Variants in AP3B1 observed in about 807,000 individuals in gnomAD.
AP3B1 encodes the protein AP-3 complex subunit beta-1.
Under a neutral mutation model 132.5 loss-of-function variants are expected in AP3B1, and 61 were observed. That is an observed-to-expected ratio of 0.46 (90% CI 0.37 to 0.57). AP3B1 has a LOEUF of 0.57. AP3B1 is among the 20% of genes least tolerant of loss of function. The pLI is 0.00. For synonymous variants in AP3B1, 388 were observed against 438.3 expected (o/e 0.89, Z 1.43); for missense variants, 1,120 against 1,289.4 (o/e 0.87, Z 2.01).
chr5:78,235,014 G>T (rs545309773), intron 3 of AP3B1, among the ~76,000 whole-genome samples: 79 of 151,958 alleles, frequency 5.2e-4, no homozygotes, highest in Non-Finnish European at 1.0e-3. Flanking sequence ...GTCAGTGAGT[G>T]GGGGTGGAGG....
intron 7 of AP3B1, among the ~76,000 whole-genome samples, chr5:78,181,962 G>A (rs188583932): frequency 6.3e-4 from 96 of 152,160 alleles, no homozygotes; most frequent in African/African-American, 2.2e-3. Context: ...ACACATGACC[G>A]TTAGATTTTA....
chr5:78,263,088 T>C (rs1230536624), intron 2 of AP3B1, among the ~76,000 whole-genome samples: 1 of 152,208 alleles, frequency 6.6e-6, no homozygotes, highest in Non-Finnish European at 1.5e-5. Flanking sequence ...TTGATAGGAA[T>C]TGCATTGAAT....
chr5:78,210,573 C>A (rs1199076410), intron 7 of AP3B1, among the ~76,000 whole-genome samples: 2 of 152,062 alleles, frequency 1.3e-5, no homozygotes, highest in Non-Finnish European at 2.9e-5. Context: ...AATTACATAA[C>A]CCGGATTCAT....
chr5:78,085,613 A>T (rs425300), intron 22 of AP3B1, among the ~76,000 whole-genome samples: 135,157 of 152,156 alleles, frequency 0.89, 60,751 homozygotes, highest in African/African-American at 0.95. Flanking sequence ...TTCCAGTTCT[A>T]GTCCTTTTGC....
At chr5:78,211,151 G>A (rs1413590147) in intron 7 of AP3B1, among the ~76,000 whole-genome samples, 5 of 152,070 alleles carry the variant, frequency 3.3e-5, no homozygotes, top group South Asian at 4.2e-4. Context: ...TAAATACGCC[G>A]TTATTTTCTA....
intron 26 of AP3B1, among the ~76,000 whole-genome samples, chr5:78,008,349 A>G (rs1746482341): frequency 6.6e-6 from 1 of 152,224 alleles, no homozygotes; most frequent in South Asian, 2.1e-4. Flanking sequence ...AAATTGTTGC[A>G]TTAGAGGACA....
chr5:78,162,270 G>A (rs1318149119), intron 13 of AP3B1, among the ~76,000 whole-genome samples: 1 of 152,078 alleles, frequency 6.6e-6, no homozygotes, highest in African/African-American at 2.4e-5. Context: ...TACCTATCCA[G>A]TTTTACCGAA....
chr5:78,254,899 A>G (rs569514382), intron 2 of AP3B1, among the ~76,000 whole-genome samples: 1 of 152,166 alleles, frequency 6.6e-6, no homozygotes, highest in Non-Finnish European at 1.5e-5. Context: ...TTTTCAGGAC[A>G]TGGTACAATA....
At chr5:78,124,224 G>A (rs1241435616) in intron 17 of AP3B1, among the ~76,000 whole-genome samples, 1 of 152,206 alleles carries the variant, frequency 6.6e-6, no homozygotes, top group Non-Finnish European at 1.5e-5. Flanking sequence ...GGGAGGGATA[G>A]CATTTGGAGA....
chr5:78,010,083 T>C (rs1746556358), intron 26 of AP3B1, among the ~76,000 whole-genome samples: 1 of 152,240 alleles, frequency 6.6e-6, no homozygotes. Flanking sequence ...TACACAGTTA[T>C]GGTCTAAGAC....
At chr5:78,083,756 T>C (rs746402877) in intron 22 of AP3B1, among the ~76,000 whole-genome samples, 23 of 152,332 alleles carry the variant, frequency 1.5e-4, no homozygotes, top group Non-Finnish European at 3.2e-4. Context: ...ATGATAATAA[T>C]GTTTGTCAGG....
intron 1 of AP3B1, among the ~76,000 whole-genome samples, chr5:78,291,101 G>A (rs906484035): frequency 1.3e-5 from 2 of 152,070 alleles, no homozygotes; most frequent in Non-Finnish European, 2.9e-5. Flanking sequence ...TTCTGCTTCT[G>A]TTTGAAGAGA....
intron 11 of AP3B1, among the ~76,000 whole-genome samples, chr5:78,170,456 G>T (rs1398172473): frequency 1.3e-5 from 2 of 152,152 alleles, no homozygotes; most frequent in African/African-American, 4.8e-5. Flanking sequence ...ATACTAACTG[G>T]TGTGAGATGG....
chr5:78,116,039 T>G, intron 18 of AP3B1, 87 bp downstream of exon 18: 1 of 966,106 alleles, frequency 1.0e-6, no homozygotes, highest in Non-Finnish European at 1.7e-6. Context: ...AACTACCTGC[T>G]GAATATTATG....
chr5:78,012,762 A>G (rs1746672123), intron 26 of AP3B1, among the ~76,000 whole-genome samples: 1 of 152,228 alleles, frequency 6.6e-6, no homozygotes. Context: ...GACCACGAAC[A>G]TTAAGTTTTG....
chr5:78,014,778 C>T (rs1746787823), intron 26 of AP3B1, among the ~76,000 whole-genome samples: 1 of 152,166 alleles, frequency 6.6e-6, no homozygotes, highest in African/African-American at 2.4e-5. Flanking sequence ...TTTATCTTTA[C>T]ATTCATTTAA....
At chr5:78,118,547 G>A (rs1264577792) in intron 17 of AP3B1, among the ~76,000 whole-genome samples, 10 of 152,238 alleles carry the variant, frequency 6.6e-5, no homozygotes, top group Admixed American at 6.5e-4. Flanking sequence ...GGCTCAGAGG[G>A]TCCTACACCC....
chr5:78,109,322 T>C (rs906747468), intron 20 of AP3B1, among the ~76,000 whole-genome samples: 3 of 152,102 alleles, frequency 2.0e-5, no homozygotes, highest in Non-Finnish European at 4.4e-5. Flanking sequence ...GGGAGGGCAA[T>C]TGTCTACTTC....
intron 3 of AP3B1, among the ~76,000 whole-genome samples, chr5:78,231,260 G>A (rs1305897473): frequency 3.9e-5 from 6 of 151,934 alleles, no homozygotes; most frequent in Non-Finnish European, 8.8e-5. Context: ...TGCAACCTCC[G>A]CCACCCAGGT....
Sources: gnomAD v4.1 joint callset for allele counts (sites outside exome capture counted in the v4.1 genomes callset) on GRCh38, gnomAD v4.1.1 for gene constraint, MANE v1.5 for transcripts, NCBI Gene and HGNC (gene_info 2026-07-23, HGNC 2026-07-21) for gene names.